Variants in CCAR1 observed in about 807,000 individuals in gnomAD.
CCAR1 encodes cell division cycle and apoptosis regulator protein 1.
A neutral mutation model predicts 163.8 loss-of-function variants in CCAR1; 78 were observed. The observed-to-expected ratio is 0.48, with a 90% CI of 0.40 to 0.57. The LOEUF is 0.57. Ranked by LOEUF, CCAR1 falls within the 20% of genes least tolerant of loss-of-function variation. The pLI, the probability that CCAR1 is intolerant of heterozygous loss-of-function variation, is 0.00. For missense variants in CCAR1, 1,019 were observed against 1,365.2 expected (o/e 0.75, Z 4.00); for synonymous variants, 443 against 460.7 (o/e 0.96, Z 0.49).
At chr10:68,729,047 G>A (rs1237371309) in intron 2 of CCAR1, among the ~76,000 whole-genome samples, 1 of 151,858 alleles carries the variant, frequency 6.6e-6, no homozygotes, top group Non-Finnish European at 1.5e-5. Context: ...CCCACTATGT[G>A]TGACTATTAA....
chr10:68,734,989 T>C (rs2056089917), intron 2 of CCAR1, among the ~76,000 whole-genome samples: 1 of 152,210 alleles, frequency 6.6e-6, no homozygotes, highest in Admixed American at 6.5e-5. Flanking sequence ...TAGCAAATTA[T>C]CATTTTAAGT....
At chr10:68,737,498 CAAAAAAA>C (rs1200590065) in intron 3 of CCAR1, among the ~76,000 whole-genome samples, 6 of 64,436 alleles carry the variant, frequency 9.3e-5, no homozygotes, top group African/African-American at 2.0e-4. Context: ...ACCCTGTGTC[CAAAAAAA>C]AAAAAAAAAA....
intron 2 of CCAR1, among the ~76,000 whole-genome samples, chr10:68,728,646 C>G (rs537801561): frequency 6.6e-6 from 1 of 152,096 alleles, no homozygotes; most frequent in Admixed American, 6.6e-5. Flanking sequence ...AAGGCTTTTC[C>G]TTTTCCTTAT....
intron 3 of CCAR1, among the ~76,000 whole-genome samples, chr10:68,737,498 CAAAA>C (rs1200590065): frequency 1.6e-5 from 1 of 64,466 alleles, no homozygotes; most frequent in Non-Finnish European, 3.9e-5. Flanking sequence ...ACCCTGTGTC[CAAAA>C]AAAAAAAAAA....
rs374529988 is a variant in CCAR1, at chr10:68,754,056, T to G, written c.1323T>G (p.Ala441=). ...KNMAILDPPD[A]DHLYSAKVML... Reference sequence around the variant, plus strand: ...TGGCCATTCTTGATCCACCAGATGCTGACCACTTATACAGTGCAAAGGTTT... The same window carrying G: ...TGGCCATTCTTGATCCACCAGATGCGGACCACTTATACAGTGCAAAGGTTT... Residue 441 remains alanine (A), a synonymous_variant, in exon 11 of 25, where the codon GCT becomes GCG. Transcript: ENST00000265872. 225 of 1,612,910 alleles carry G rather than the reference T, an allele frequency of 1.4e-4. 1 individual carries two copies. The Admixed American group carries it at 1.7e-3, about 13-fold the overall frequency.
chr10:68,735,717 C>T (rs1055782354), intron 2 of CCAR1: 1 of 152,102 alleles, frequency 6.6e-6, no homozygotes, highest in African/African-American at 2.4e-5. Flanking sequence ...ACATTTTTTT[C>T]TTCAAAGACT....
chr10:68,757,406 A>T (rs2056408520), intron 15 of CCAR1, 29 bp downstream of exon 15: 2 of 1,245,714 alleles, frequency 1.6e-6, no homozygotes, highest in Non-Finnish European at 2.3e-6. Flanking sequence ...GATTTTATTT[A>T]TTTTTTTCAA....
At chr10:68,780,471 G>A (rs1478329893) in intron 19 of CCAR1, among the ~76,000 whole-genome samples, 1 of 152,144 alleles carries the variant, frequency 6.6e-6, no homozygotes, top group African/African-American at 2.4e-5. Context: ...GTGATGACAG[G>A]TATGAACCAC....
At position 68,726,814 on chromosome 10, in the gene CCAR1, G is replaced by A. The variant is rs2133298958; in HGVS notation, c.73+4237G>A. Among the ~76,000 whole-genome samples the A allele has an allele frequency of 2.0e-5, 3 of 151,548 alleles. No homozygotes were observed. In the South Asian group the frequency reaches 6.3e-4, roughly 32 times the overall value. ...AGTCCGAGACCAGCTTGGCCAACATGGTGAAACCCCGTCTCTACTAAAAAT... is the reference window on the plus strand; with the variant it reads ...AGTCCGAGACCAGCTTGGCCAACATAGTGAAACCCCGTCTCTACTAAAAAT... On this transcript the variant is annotated intron_variant, in intron 2 of 24. Transcript: ENST00000265872.
In CCAR1 at chr10:68,773,087, G is replaced by C. The variant is rs2056623143; in HGVS notation, c.2638G>C (p.Asp880His). ...YDPMEAEEAE[D>H]EEDDRDEEEM... ...CCCTATGGAAGCAGAAGAAGCTGAG[G>C]ATGAAGAAGATGGTATGATTGAAAT... is the stretch of plus-strand genomic sequence containing the variant. Residue 880 changes from aspartate (D) to histidine (H), a missense_variant, in exon 19 of 25, where the codon GAT becomes CAT. Coordinates refer to ENST00000265872, the MANE Select transcript of CCAR1 (RefSeq NM_018237.4). The C allele has an allele frequency of 6.7e-7, 1 of 1,497,950 alleles. No homozygotes were observed. Among genetic ancestry groups the C allele is most frequent in the African/African-American group, 1.4e-5 (1 of 70,948 alleles). 92.8% of individuals were successfully genotyped at this position (1,497,950 alleles called of 1,614,324 possible).
chr10:68,788,181 GA>G lies in CCAR1; in HGVS notation c.3042del (p.Glu1014AspfsTer19). ...LLLPTPTVKQESKDVEENVGL... is the reference protein window; with the variant it reads ...LLLPTPTVKQXSKDVEENVGL... ...ACTTCCAACACCAACAGTAAAGCAG[GA>G]ATCAAAGGATGTGGAAGAAAATGTT... On this transcript the variant is annotated frameshift_variant, in exon 23 of 25. Transcript: ENST00000265872. LOFTEE classifies it high-confidence loss of function. 6.3e-7 allele frequency: 1 copy of G among 1,590,444 alleles called. No individual in the cohort carries two copies. Among genetic ancestry groups the G allele is most frequent in the East Asian group, 2.3e-5 (1 of 44,428 alleles).
At chr10:68,752,932 A>G (rs2056352372) in intron 10 of CCAR1, among the ~76,000 whole-genome samples, 1 of 145,556 alleles carries the variant, frequency 6.9e-6, no homozygotes, top group African/African-American at 2.8e-5. Flanking sequence ...AGATAGATAG[A>G]TAGATAGATT....
At chr10:68,784,167 T>A (rs2056769104) in intron 19 of CCAR1, among the ~76,000 whole-genome samples, 1 of 152,150 alleles carries the variant, frequency 6.6e-6, no homozygotes, top group African/African-American at 2.4e-5. Flanking sequence ...TAGAATATTA[T>A]GTAAACTTAA....
Position 68,742,587 on chromosome 10 carries a change from T to A in CCAR1, c.518+18T>A. 6.3e-7 allele frequency: 1 copy of A among 1,578,940 alleles called. No homozygotes were observed. Among genetic ancestry groups the A allele is most frequent in the Non-Finnish European group, 8.7e-7 (1 of 1,149,782 alleles). On this transcript the variant is annotated intron_variant, in intron 6 of 24. Transcript: ENST00000265872. Reference sequence around the variant, plus strand: ...CAGCTTAGGTAAACTTAATGAGGTCTTGTCACATGGCTTCTTGCATTTACC... The same window carrying A: ...CAGCTTAGGTAAACTTAATGAGGTCATGTCACATGGCTTCTTGCATTTACC...
At position 68,753,882 on chromosome 10, in the gene CCAR1, C is replaced by T. The variant is rs751608586; in HGVS notation, c.1149C>T (p.Arg383=). The change falls in exon 11 of 25, where the codon CGC becomes CGT. Residue 383 remains arginine (R), a synonymous_variant. Coordinates refer to ENST00000265872, the MANE Select transcript of CCAR1 (RefSeq NM_018237.4). ...GTTGTGACATGATGGAACTAAGGCG[C>T]CGTTATCAAAATTTGTATATACCTA... is the stretch of plus-strand genomic sequence containing the variant. ...CPSCDMMELR[R]RYQNLYIPSD... 2.5e-6 allele frequency: 4 copies of T among 1,613,694 alleles called. No individual in the cohort carries two copies. Among genetic ancestry groups the T allele is most frequent in the Non-Finnish European group, 3.4e-6 (4 of 1,179,818 alleles).
intron 19 of CCAR1, among the ~76,000 whole-genome samples, chr10:68,783,624 C>G (rs537068809): frequency 6.6e-6 from 1 of 152,220 alleles, no homozygotes; most frequent in African/African-American, 2.4e-5. Context: ...TCATGGATGA[C>G]TTTGAAGGGT....
chr10:68,761,201 T>A lies in CCAR1; in HGVS notation c.2106+9T>A. On this transcript the variant is annotated intron_variant, in intron 16 of 24. Transcript: ENST00000265872. ...CTGAAGACGATAAAGAGGTATGTAC[T>A]CAATCTATTATTATACTCTATGGTA... The A allele has an allele frequency of 1.9e-6, 3 of 1,545,476 alleles. No individual in the cohort carries two copies. Among genetic ancestry groups the A allele is most frequent in the Non-Finnish European group, 2.6e-6 (3 of 1,138,450 alleles).
intron 23 of CCAR1, 59 bp from the exon 24 acceptor site, chr10:68,789,651 C>T: frequency 9.8e-7 from 1 of 1,024,590 alleles, no homozygotes; most frequent in Non-Finnish European, 1.4e-6. Flanking sequence ...ATTTTAACCT[C>T]AAAGTTAAAT....
intron 19 of CCAR1, among the ~76,000 whole-genome samples, chr10:68,783,345 TTG>T (rs1416332897): frequency 3.3e-5 from 5 of 151,828 alleles, no homozygotes; most frequent in African/African-American, 7.3e-5. Context: ...GGCTAATTTT[TTG>T]TGTTTTTAGT....
Sources: allele counts gnomAD v4.1 joint callset (sites outside exome capture counted in the v4.1 genomes callset), GRCh38; gene constraint gnomAD v4.1.1; transcripts MANE v1.5; gene names NCBI Gene and HGNC (gene_info 2026-07-23, HGNC 2026-07-21).